The following SEMA6A variants were observed in gnomAD, a reference collection of about 807,000 sequenced individuals.
The protein encoded by SEMA6A is semaphorin-6A.
In SEMA6A, 25 loss-of-function variants were observed where a neutral mutation model predicts 96.8. That is an observed-to-expected ratio of 0.26 (90% confidence interval 0.19 to 0.36). SEMA6A has a LOEUF of 0.36. SEMA6A is among the 10% of genes least tolerant of loss of function. SEMA6A has a pLI of 1.00. For missense variants in SEMA6A, 1,363 were observed against 1,323.1 expected (o/e 1.03, Z -0.47); for synonymous variants, 612 against 518.0 (o/e 1.18, Z -2.46).
At chr5:116,525,398 T>G (rs1243019615) in intron 1 of SEMA6A, among the ~76,000 whole-genome samples, 1 of 152,212 alleles carries the variant, frequency 6.6e-6, no homozygotes, top group African/African-American at 2.4e-5. Context: ...ATTTAATTAA[T>G]GTAAGCTTCC....
chr5:116,477,771 C>G (rs2112685113), intron 15 of SEMA6A, 75 bp downstream of exon 15: 1 of 1,426,514 alleles, frequency 7.0e-7, no homozygotes, highest in Non-Finnish European at 9.9e-7. Flanking sequence ...TGTGTGTGAG[C>G]AGAGCAAATC....
intron 1 of SEMA6A, among the ~76,000 whole-genome samples, chr5:116,512,309 G>C (rs1758444532): frequency 6.6e-6 from 1 of 152,154 alleles, no homozygotes; most frequent in Non-Finnish European, 1.5e-5. Flanking sequence ...ATAAGGTTCG[G>C]GCAAATGAGA....
chr5:116,473,167 T>C, intron 16 of SEMA6A, 74 bp from the exon 17 acceptor site: 1 of 1,434,696 alleles, frequency 7.0e-7, no homozygotes, highest in East Asian at 2.4e-5. Context: ...TAAGTGGGAA[T>C]GAGCTAACAC....
In SEMA6A at chr5:116,482,716, T is replaced by A. The variant is rs1286523736; in HGVS notation, c.963-141A>T. 6 of 734,474 alleles carry A rather than the reference T, an allele frequency of 8.2e-6. No homozygotes were observed. In the African/African-American group the frequency reaches 1.1e-4, roughly 13 times the overall value. 45.5% of individuals were successfully genotyped at this position (734,474 alleles called of 1,614,324 possible). A position where few individuals can be genotyped will look rare whatever the true frequency, so the allele number is the denominator to read the frequency against. ...TGGACACTATAAATATAAGGGATCT[T>A]AGTACACAAAGAAAATATTTCTCTC... On this transcript the variant is annotated intron_variant, in intron 10 of 18. Coordinates refer to ENST00000343348, the MANE Select transcript of SEMA6A (RefSeq NM_020796.5).
intron 1 of SEMA6A, among the ~76,000 whole-genome samples, chr5:116,534,575 C>G (rs1759628836): frequency 6.6e-6 from 1 of 152,248 alleles, no homozygotes; most frequent in African/African-American, 2.4e-5. Context: ...GACAGAGCTT[C>G]TTTGACCAAA....
Position 116,446,380 on chromosome 5 carries a change from G to T in SEMA6A, c.*233C>A, listed in dbSNP as rs886315433. The T allele has an allele frequency of 6.7e-6, 3 of 448,240 alleles. No homozygotes were observed. The East Asian group carries it at 1.0e-4, about 15-fold the overall frequency. The allele number at this position is 448,240 out of a possible 1,614,324, so 27.8% of individuals were successfully genotyped here. A position where few individuals can be genotyped will look rare whatever the true frequency, so the allele number is the denominator to read the frequency against. ...GTCCGACCTGTTGTAGGGTGTGGGG[G>T]AAAGTGAAGGAAGAGAATGAAGGTG... is the stretch of plus-strand genomic sequence containing the variant. On this transcript the variant is annotated 3_prime_UTR_variant, in exon 19 of 19. Transcript: ENST00000343348.
intron 13 of SEMA6A, 174 bp downstream of exon 13, chr5:116,478,368 A>G (rs1756575354): frequency 1.3e-6 from 1 of 790,814 alleles, no homozygotes; most frequent in Non-Finnish European, 2.0e-6. Flanking sequence ...AAACACACAC[A>G]CACACATTGG....
chr5:116,450,791 C>T (rs1580439339), intron 18 of SEMA6A, among the ~76,000 whole-genome samples: 1 of 152,260 alleles, frequency 6.6e-6, no homozygotes, highest in Non-Finnish European at 1.5e-5. Flanking sequence ...GGGCTTTCCT[C>T]ATCTGCTTGT....
At chr5:116,502,600 G>T (rs1232943991) in intron 2 of SEMA6A, 1 of 378,490 alleles carries the variant, frequency 2.6e-6, no homozygotes, top group Non-Finnish European at 4.8e-6. Flanking sequence ...CTCTTTCTCA[G>T]GGCTCAACTC....
At chr5:116,450,928 G>GA (rs1480522822) in intron 18 of SEMA6A, among the ~76,000 whole-genome samples, 2 of 152,270 alleles carry the variant, frequency 1.3e-5, no homozygotes, top group African/African-American at 4.8e-5. Context: ...CTTATATCAT[G>GA]AAAAAGGCCA....
chr5:116,473,994 A>G (rs1756309763), intron 16 of SEMA6A, among the ~76,000 whole-genome samples: 1 of 152,206 alleles, frequency 6.6e-6, no homozygotes, highest in Non-Finnish European at 1.5e-5. Flanking sequence ...GGAAATAAAG[A>G]GTAAAGCACA....
chr5:116,546,343 T>G (rs1242251465), intron 1 of SEMA6A, among the ~76,000 whole-genome samples: 1 of 152,170 alleles, frequency 6.6e-6, no homozygotes. Flanking sequence ...CTAACAAACA[T>G]CTGTACATGC....
intron 13 of SEMA6A, 174 bp from the exon 14 acceptor site, chr5:116,478,328 A>C: frequency 1.3e-6 from 1 of 775,362 alleles, no homozygotes; most frequent in East Asian, 2.7e-5. Flanking sequence ...ATGTATCTAT[A>C]TAAACACACA....
chr5:116,530,316 T>C (rs1759409738), intron 1 of SEMA6A, among the ~76,000 whole-genome samples: 1 of 152,192 alleles, frequency 6.6e-6, no homozygotes, highest in South Asian at 2.1e-4. Context: ...AGTCTTGTAG[T>C]TATGTAGGCA....
rs774667554 is a variant in SEMA6A, at chr5:116,447,471, T to G, written c.2235A>C (p.Ala745=). The G allele has an allele frequency of 5.8e-5, 94 of 1,613,970 alleles. No homozygotes were observed. Among genetic ancestry groups the G allele is most frequent in the Non-Finnish European group, 7.6e-5 (90 of 1,179,918 alleles). ...PGNTAKMLIK[A]DQHHLDLTAL... ...CCGTCAGGTCCAGGTGGTGCTGGTC[T>G]GCTTTAATGAGCATCTTGGCCGTGT... is the stretch of plus-strand genomic sequence containing the variant. Residue 745 remains alanine, a synonymous_variant, in exon 19 of 19, where the codon GCA becomes GCC. Transcript: ENST00000343348.
chr5:116,477,866 G>C lies in SEMA6A; in HGVS notation c.1629C>G (p.Ser543Arg). The change falls in exon 15 of 19, where the codon AGC (serine) becomes AGG (arginine). Residue 543 changes from serine (S) to arginine (R), a missense_variant. Around this residue, in one of 2 missense-constraint regions of SEMA6A, gnomAD observed 883 missense variants for 763.6 expected, o/e 1.16. Coordinates refer to ENST00000343348, the MANE Select transcript of SEMA6A (RefSeq NM_020796.5). ...CCTACCTGCTGTTGGGTGATAAATGGCTGCAGGCACCACCTTCCTTTATCC... is the reference window on the plus strand; with the variant it reads ...CCTACCTGCTGTTGGGTGATAAATGCCTGCAGGCACCACCTTCCTTTATCC... Reference protein sequence around the residue: ...CGWIKEGGACSHLSPNSRLTF... With the variant: ...CGWIKEGGACRHLSPNSRLTF... 1.2e-6 allele frequency: 2 copies of C among 1,613,920 alleles called. No homozygotes were observed. The highest frequency in any genetic ancestry group is 3.3e-5 in the Admixed American group (2 of 60,012).
Position 116,467,613 on chromosome 5 carries a change from C to T in SEMA6A, c.1864G>A (p.Val622Met), listed in dbSNP as rs1388786705. The T allele has an allele frequency of 1.9e-6, 3 of 1,613,412 alleles. No individual in the cohort carries two copies. Among genetic ancestry groups the T allele is most frequent in the Non-Finnish European group, 2.5e-6 (3 of 1,179,666 alleles). Residue 622 changes from valine (V) to methionine (M), a missense_variant, in exon 18 of 19, where the codon GTG (valine) becomes ATG (methionine). This residue lies in a region of SEMA6A where 883 missense variants were observed against 763.6 expected (regional missense o/e 1.16). Coordinates refer to ENST00000343348, the MANE Select transcript of SEMA6A (RefSeq NM_020796.5). ...TTGTCTTGGTGATTATGGGAAGACA[C>T]TGCCCCCAAAGGGTCTGTGCTGTCA... ...SPDSTDPLGA[V>M]SSHNHQDKKG...
intron 18 of SEMA6A, among the ~76,000 whole-genome samples, chr5:116,462,993 TAAAA>T (rs373356399): frequency 6.6e-6 from 1 of 150,810 alleles, no homozygotes; most frequent in African/African-American, 2.4e-5. Flanking sequence ...TTATCACAAA[TAAAA>T]AAAAAGTGTC....
intron 1 of SEMA6A, among the ~76,000 whole-genome samples, chr5:116,529,987 C>T (rs1759391484): frequency 6.6e-6 from 1 of 151,932 alleles, no homozygotes; most frequent in African/African-American, 2.4e-5. Flanking sequence ...CCCTCGGAAC[C>T]TAAAATAAAA....
Sources: allele counts gnomAD v4.1 joint callset (sites outside exome capture counted in the v4.1 genomes callset), GRCh38; gene constraint gnomAD v4.1.1; regional missense constraint gnomAD v4.1.1; transcripts MANE v1.5; gene names NCBI Gene and HGNC (gene_info 2026-07-23, HGNC 2026-07-21).